The following GID4 variants were observed in gnomAD, a reference collection of about 807,000 sequenced individuals.
GID4 encodes the protein GID complex subunit 4 homolog.
Under a neutral mutation model 32.4 loss-of-function variants are expected in GID4, and 7 were observed. The observed-to-expected ratio is 0.22, with a 90% confidence interval of 0.12 to 0.41. GID4 has a LOEUF of 0.41. Among genes scored for constraint, GID4 ranks in the 10% least tolerant of loss-of-function variants. The pLI is 1.00. For synonymous variants in GID4, 166 were observed against 170.0 expected, an observed-to-expected ratio of 0.98 and a Z score of 0.18; for missense variants, 309 against 400.0, an observed-to-expected ratio of 0.77 and a Z score of 1.94.
intron 2 of GID4, among the ~76,000 whole-genome samples, chr17:18,046,987 G>T (rs2044860637): frequency 6.6e-6 from 1 of 151,644 alleles, no homozygotes; most frequent in Non-Finnish European, 1.5e-5. Context: ...TGTTCTGGGG[G>T]TAAGGAAAGA....
chr17:18,052,403 A>T (rs973329040), intron 2 of GID4, among the ~76,000 whole-genome samples: 1 of 152,190 alleles, frequency 6.6e-6, no homozygotes, highest in Non-Finnish European at 1.5e-5. Flanking sequence ...AAGGTCCTAC[A>T]CTACATGCAG....
chr17:18,056,061 G>T (rs998030771), intron 3 of GID4, among the ~76,000 whole-genome samples: 1 of 150,120 alleles, frequency 6.7e-6, no homozygotes, highest in Admixed American at 6.6e-5. Flanking sequence ...CGCCATGTTG[G>T]CCAGGCTGGT....
At chr17:18,060,400 CAAAAAAA>C (rs919974638) in intron 4 of GID4, among the ~76,000 whole-genome samples, 227 of 45,678 alleles carry the variant, frequency 5.0e-3, no homozygotes, top group Non-Finnish European at 9.4e-3. Context: ...TCTGTCTCAC[CAAAAAAA>C]AAAAAAAAAA....
chr17:18,060,650 T>C (rs1224418854), intron 4 of GID4, among the ~76,000 whole-genome samples: 1 of 151,982 alleles, frequency 6.6e-6, no homozygotes, highest in East Asian at 1.9e-4. Flanking sequence ...TCTCCCAGGT[T>C]CAAGCAAGTC....
At chr17:18,054,293 C>A in intron 3 of GID4, 59 bp downstream of exon 3, 1 of 1,089,882 alleles carries the variant, frequency 9.2e-7, no homozygotes, top group Non-Finnish European at 1.4e-6. Context: ...TGAAGAAATG[C>A]TGGGAGCCAG....
intron 2 of GID4, among the ~76,000 whole-genome samples, chr17:18,049,751 G>C (rs899814888): frequency 6.6e-6 from 1 of 151,860 alleles, no homozygotes; most frequent in African/African-American, 2.4e-5. Context: ...CAGTTCTCCT[G>C]CTCAGCTTCC....
intron 2 of GID4, among the ~76,000 whole-genome samples, chr17:18,049,968 T>C (rs1481366546): frequency 6.6e-6 from 1 of 152,190 alleles, no homozygotes; most frequent in Non-Finnish European, 1.5e-5. Context: ...CTCCTACTTA[T>C]AAGGGCAGTA....
rs2044773908 is a variant in GID4, at chr17:18,039,975, C to G, written c.438+73C>G. 6 of 1,273,532 alleles carry G rather than the reference C, an allele frequency of 4.7e-6. No homozygotes were observed. Among genetic ancestry groups the G allele is most frequent in the African/African-American group, 1.6e-5 (1 of 64,382 alleles). The allele number at this position is 1,273,532 out of a possible 1,614,324, so 78.9% of individuals were successfully genotyped here. ...ACGGGCCGTGCCCGCTTCGGCTCCT[C>G]GACCCCGCAGCCGCGGAACAGGCCC... is the stretch of plus-strand genomic sequence containing the variant. On this transcript the variant is annotated intron_variant, in intron 1 of 5. Coordinates refer to ENST00000268719, the MANE Select transcript of GID4 (RefSeq NM_024052.5). The surrounding 1 kb of genome is among the most constrained non-coding windows in gnomAD (Gnocchi z 5.3).
At chr17:18,051,889 A>G (rs574976161) in intron 2 of GID4, among the ~76,000 whole-genome samples, 1 of 152,216 alleles carries the variant, frequency 6.6e-6, no homozygotes, top group Admixed American at 6.5e-5. Context: ...CCTGGCTAAC[A>G]CCATGAAACC....
Position 18,045,187 on chromosome 17 carries a change from A to T in GID4, c.479A>T (p.Lys160Met). 1.2e-6 allele frequency: 2 copies of T among 1,613,644 alleles called. No homozygotes were observed. The highest frequency in any genetic ancestry group is 1.7e-6 in the Non-Finnish European group (2 of 1,179,596). ...TGNSYLCGYL[K>M]IKGLTEEYPT... The stretch of plus-strand genomic sequence containing the variant: ...AACTCTTACCTTTGTGGGTACTTGA[A>T]GATTAAAGGCCTTACTGAGGTAAGC... Residue 160 changes from lysine to methionine, a missense_variant, in exon 2 of 6, where the codon AAG (lysine) becomes ATG (methionine). Lys to Met is a moderately conservative substitution (Grantham distance 95, BLOSUM62 -1). This residue lies in a region of GID4 where 116 missense variants were observed against 214.2 expected (regional missense o/e 0.54). Transcript: ENST00000268719.
At chr17:18,042,023 G>T (rs1161293273) in intron 1 of GID4, among the ~76,000 whole-genome samples, 3 of 152,248 alleles carry the variant, frequency 2.0e-5, no homozygotes, top group Admixed American at 6.5e-5. Flanking sequence ...ATCACGACTA[G>T]TCAGTGGCAT....
At chr17:18,044,364 A>G (rs2044832062) in intron 1 of GID4, among the ~76,000 whole-genome samples, 1 of 152,220 alleles carries the variant, frequency 6.6e-6, no homozygotes, top group South Asian at 2.1e-4. Context: ...GCCAGCGTGA[A>G]AAAGGAGGAA....
At chr17:18,045,907 G>A (rs201239602) in intron 2 of GID4, among the ~76,000 whole-genome samples, 2,385 of 145,698 alleles carry the variant, frequency 0.016, 56 homozygotes, top group African/African-American at 0.052. Context: ...AAAAAAAAAA[G>A]AAAGAAAAAA....
At chr17:18,064,746 GCT>G (rs2045045735) in intron 5 of GID4, among the ~76,000 whole-genome samples, 1 of 152,090 alleles carries the variant, frequency 6.6e-6, no homozygotes, top group African/African-American at 2.4e-5. Context: ...ATTTTTCTAC[GCT>G]CTCTTTAGAT....
intron 2 of GID4, among the ~76,000 whole-genome samples, chr17:18,046,169 T>C (rs1424830365): frequency 6.6e-6 from 1 of 152,218 alleles, no homozygotes; most frequent in African/African-American, 2.4e-5. Flanking sequence ...CATGGTCTGA[T>C]GATCCAGCAG....
chr17:18,062,033 C>T, intron 5 of GID4, 58 bp downstream of exon 5: 1 of 1,575,154 alleles, frequency 6.3e-7, no homozygotes, highest in Non-Finnish European at 8.7e-7. Flanking sequence ...CTGGCTCTCC[C>T]TTGGCTCATC....
chr17:18,054,347 G>T, intron 3 of GID4, 113 bp downstream of exon 3: 1 of 629,376 alleles, frequency 1.6e-6, no homozygotes, highest in Non-Finnish European at 2.8e-6. Flanking sequence ...TTGCAACCAA[G>T]TAAAAGGTTG....
chr17:18,057,588 A>G (rs191555249), intron 3 of GID4: 44 of 153,606 alleles, frequency 2.9e-4, no homozygotes, highest in Admixed American at 8.4e-4. Flanking sequence ...GGAGTCATCT[A>G]TGGCAACACC....
Position 18,058,873 on chromosome 17 carries a change from G to A in GID4, c.612G>A (p.Lys204=). The change falls in exon 4 of 6, where the codon AAG becomes AAA. Residue 204 remains lysine (K), a synonymous_variant. Transcript: ENST00000268719. ...ACTCTCTTTTCTGCTTTCAGGGCAA[G>A]TTTCTGGCTTTTTATCAGTATGCAA... is the stretch of plus-strand genomic sequence containing the variant. The part of the protein sequence containing the change: ...DEDVDRKHWG[K]FLAFYQYAKS... 2 of 1,606,694 alleles carry A rather than the reference G, an allele frequency of 1.2e-6. No individual in the cohort carries two copies. The highest frequency in any genetic ancestry group is 2.2e-5 in the South Asian group (2 of 90,928).
Sources: allele counts gnomAD v4.1 joint callset (sites outside exome capture counted in the v4.1 genomes callset), GRCh38; gene constraint gnomAD v4.1.1; regional missense constraint gnomAD v4.1.1; non-coding constraint Gnocchi (gnomAD v3.1); transcripts MANE v1.5; gene names NCBI Gene and HGNC (gene_info 2026-07-23, HGNC 2026-07-21).